The following MDFIC2 variants were observed in gnomAD, a reference collection of about 807,000 sequenced individuals.
The protein encoded by MDFIC2 is myoD family inhibitor domain-containing protein 2.
chr3:70,258,001 A>C (rs917313363), intron 2 of MDFIC2, among the ~76,000 whole-genome samples: 12 of 152,232 alleles, frequency 7.9e-5, no homozygotes, highest in African/African-American at 2.9e-4. Context: ...GATTTTTGAC[A>C]AAGATGTCAA....
At chr3:70,298,168 C>T (rs1194245916) in intron 2 of MDFIC2, among the ~76,000 whole-genome samples, 5 of 151,972 alleles carry the variant, frequency 3.3e-5, no homozygotes, top group African/African-American at 1.2e-4. Flanking sequence ...TCTAAATATC[C>T]TTAGGTTTGC....
At chr3:70,234,887 T>A (rs1298250444) in intron 2 of MDFIC2, among the ~76,000 whole-genome samples, 1 of 152,178 alleles carries the variant, frequency 6.6e-6, no homozygotes, top group Non-Finnish European at 1.5e-5. Flanking sequence ...CTGTCACTTT[T>A]TAAACGCTGC....
At chr3:70,290,405 C>T (rs7611344) in intron 2 of MDFIC2, among the ~76,000 whole-genome samples, 8,249 of 152,284 alleles carry the variant, frequency 0.054, 592 homozygotes, top group East Asian at 0.37. Context: ...CTTGAGGAGG[C>T]AGTCTGCCCC....
At chr3:70,288,006 C>A (rs1702186184) in intron 2 of MDFIC2, among the ~76,000 whole-genome samples, 2 of 152,022 alleles carry the variant, frequency 1.3e-5, no homozygotes, top group South Asian at 2.1e-4. Flanking sequence ...TTTCAAAAAA[C>A]CAGCTCCTGG....
At chr3:70,278,345 T>C (rs1164224339) in intron 2 of MDFIC2, among the ~76,000 whole-genome samples, 1 of 152,194 alleles carries the variant, frequency 6.6e-6, no homozygotes, top group Admixed American at 6.6e-5. Flanking sequence ...ACATTTAGGC[T>C]GTTCCCAGTA....
chr3:70,280,067 A>G (rs1483999523), intron 2 of MDFIC2, among the ~76,000 whole-genome samples: 1 of 152,220 alleles, frequency 6.6e-6, no homozygotes, highest in Non-Finnish European at 1.5e-5. Context: ...GGTGTCAGCA[A>G]GGCTGCACTC....
At chr3:70,277,919 G>C (rs1343785467) in intron 2 of MDFIC2, among the ~76,000 whole-genome samples, 1 of 152,154 alleles carries the variant, frequency 6.6e-6, no homozygotes, top group East Asian at 1.9e-4. Flanking sequence ...CTACTGGCCA[G>C]ATTTCATTAG....
At position 70,232,235 on chromosome 3, in the gene MDFIC2, A is replaced by G. The variant is rs529856133; in HGVS notation, c.89-25445T>C. The stretch of plus-strand genomic sequence containing the variant: ...CCATGTGAAATGTTAATGCTTTTCA[A>G]CAGCTTTGGACACACCAAGTAGCTA... On this transcript the variant is annotated intron_variant, in intron 2 of 3. Transcript: ENST00000567252. 5.9e-5 allele frequency among the ~76,000 whole-genome samples: 9 copies of G among 152,306 alleles called. No homozygotes were observed. The South Asian group carries it at 1.9e-3, about 32-fold the overall frequency.
intron 2 of MDFIC2, among the ~76,000 whole-genome samples, chr3:70,255,252 A>G (rs186290880): frequency 6.6e-6 from 1 of 152,340 alleles, no homozygotes; most frequent in East Asian, 1.9e-4. Context: ...TAGTGGACCA[A>G]TGACACATAA....
At chr3:70,203,845 T>G (rs1243451266) in intron 3 of MDFIC2, among the ~76,000 whole-genome samples, 1 of 152,260 alleles carries the variant, frequency 6.6e-6, no homozygotes, top group East Asian at 1.9e-4. Flanking sequence ...TATTTCTGAC[T>G]TTCTTATCCA....
At chr3:70,241,573 T>C (rs958087722) in intron 2 of MDFIC2, among the ~76,000 whole-genome samples, 3 of 152,164 alleles carry the variant, frequency 2.0e-5, no homozygotes, top group Non-Finnish European at 4.4e-5. Flanking sequence ...TGTTAGTATT[T>C]TTCTCATTTT....
chr3:70,210,829 T>C (rs191335257), intron 2 of MDFIC2, among the ~76,000 whole-genome samples: 283 of 152,128 alleles, frequency 1.9e-3, no homozygotes, highest in Middle Eastern at 3.4e-3. Flanking sequence ...TACAGGTAAT[T>C]GCAAGAACAA....
At chr3:70,202,020 G>C (rs1701244961) in intron 3 of MDFIC2, among the ~76,000 whole-genome samples, 1 of 152,116 alleles carries the variant, frequency 6.6e-6, no homozygotes, top group African/African-American at 2.4e-5. Context: ...ATCCCTCTGT[G>C]GCTCTGGCTA....
chr3:70,199,437 C>T lies in MDFIC2; in HGVS notation c.311-2252G>A, dbSNP rs1437091985. On this transcript the variant is annotated intron_variant, in intron 3 of 3. Coordinates refer to ENST00000567252, the MANE Select transcript of MDFIC2 (RefSeq NM_001364677.1). ...CAAATTGGCACTTGTTTCCTTCTAC[C>T]TCCCTATTTTGCACTTGAGAATAGA... is the stretch of plus-strand genomic sequence containing the variant. Among the ~76,000 whole-genome samples, 3 of 152,066 alleles carry T rather than the reference C, an allele frequency of 2.0e-5. No individual in the cohort carries two copies. In the East Asian group the frequency reaches 5.8e-4, roughly 29 times the overall value.
intron 2 of MDFIC2, among the ~76,000 whole-genome samples, chr3:70,288,659 T>C (rs544899054): frequency 8.6e-5 from 13 of 151,938 alleles, no homozygotes; most frequent in African/African-American, 2.4e-4. Flanking sequence ...CACAGTGGGG[T>C]GTTAAAGTCT....
intron 2 of MDFIC2, among the ~76,000 whole-genome samples, chr3:70,254,369 T>C (rs1701795889): frequency 6.6e-6 from 1 of 152,200 alleles, no homozygotes; most frequent in South Asian, 2.1e-4. Context: ...TTCTCAATTA[T>C]TATTTTGTTT....
intron 2 of MDFIC2, among the ~76,000 whole-genome samples, chr3:70,268,195 G>A (rs1183789329): frequency 6.6e-6 from 1 of 152,120 alleles, no homozygotes; most frequent in Non-Finnish European, 1.5e-5. Context: ...CTCCGGCTGG[G>A]CGCGGTAGCT....
intron 2 of MDFIC2, among the ~76,000 whole-genome samples, chr3:70,247,609 A>G (rs1282915017): frequency 6.6e-6 from 1 of 151,950 alleles, no homozygotes; most frequent in African/African-American, 2.4e-5. Flanking sequence ...ATATAACATT[A>G]TATCTCTTTT....
At chr3:70,308,448 G>A (rs1702424061) in intron 2 of MDFIC2, among the ~76,000 whole-genome samples, 1 of 151,976 alleles carries the variant, frequency 6.6e-6, no homozygotes, top group Non-Finnish European at 1.5e-5. Context: ...GATTTTTTGG[G>A]TCTGTCAATG....
Sources: gnomAD v4.1 joint callset for allele counts (sites outside exome capture counted in the v4.1 genomes callset) on GRCh38, gnomAD v4.1.1 for gene constraint, MANE v1.5 for transcripts, NCBI Gene and HGNC (gene_info 2026-07-23, HGNC 2026-07-21) for gene names.